EIF3E: variants seen among roughly 807,000 people sequenced by gnomAD.
EIF3E encodes eukaryotic translation initiation factor 3 subunit E.
In EIF3E, 25 loss-of-function variants were observed where a neutral mutation model predicts 59.3. That is an observed-to-expected ratio of 0.42 (90% CI 0.31 to 0.59). The LOEUF (loss-of-function observed/expected upper bound fraction) is 0.59, where lower values mean the gene tolerates loss of function less well. Ranked by LOEUF, EIF3E falls within the 20% of genes least tolerant of loss-of-function variation. EIF3E has a pLI of 0.15. For synonymous variants in EIF3E, 176 were observed against 170.2 expected, an observed-to-expected ratio of 1.03 and a Z score of -0.26; for missense variants, 317 against 534.3, an observed-to-expected ratio of 0.59 and a Z score of 4.01.
intron 12 of EIF3E, 115 bp downstream of exon 12, chr8:108,202,868 T>C: frequency 8.2e-7 from 1 of 1,225,162 alleles, no homozygotes. Flanking sequence ...AAAATGTTCA[T>C]ATCTTTAAAG....
At chr8:108,223,680 C>A (rs556994747) in intron 7 of EIF3E, among the ~76,000 whole-genome samples, 24 of 152,122 alleles carry the variant, frequency 1.6e-4, no homozygotes, top group Non-Finnish European at 3.1e-4. Flanking sequence ...AGTGGCAAAG[C>A]CTCATCTCCG....
chr8:108,229,184 T>A lies in EIF3E; in HGVS notation c.483A>T (p.Thr161=), dbSNP rs759017223. The part of the protein sequence containing the change: ...LYFFRVLVPA[T]DRNALSSLWG... ...AGAGTGAACTTAAAGCATTTCTATC[T>A]GTTGCTGGAACCTGTTTAAGAAATC... The change falls in exon 6 of 13, where the codon ACA becomes ACT. Residue 161 remains threonine (T), a synonymous_variant. Transcript: ENST00000220849. 3.1e-6 allele frequency: 5 copies of A among 1,612,536 alleles called. No individual in the cohort carries two copies. In the Middle Eastern group the frequency reaches 5.0e-4, roughly 160 times the overall value.
intron 5 of EIF3E, among the ~76,000 whole-genome samples, chr8:108,232,460 A>G (rs952364738): frequency 6.6e-6 from 1 of 152,182 alleles, no homozygotes; most frequent in Non-Finnish European, 1.5e-5. Context: ...GGGCAATGCA[A>G]AAGTTTAAAA....
chr8:108,214,010 C>T (rs1016363999), intron 10 of EIF3E, among the ~76,000 whole-genome samples: 2 of 152,198 alleles, frequency 1.3e-5, no homozygotes, highest in Non-Finnish European at 1.5e-5. Context: ...GGGCACTAGT[C>T]ATTTTTCAAA....
chr8:108,204,744 T>G (rs568821955), intron 10 of EIF3E, among the ~76,000 whole-genome samples: 76 of 102,676 alleles, frequency 7.4e-4, no homozygotes, highest in South Asian at 5.5e-3. Flanking sequence ...TATATATATA[T>G]ATAGAGAGAG....
intron 5 of EIF3E, among the ~76,000 whole-genome samples, chr8:108,230,125 A>C (rs1815594460): frequency 6.6e-6 from 1 of 152,228 alleles, no homozygotes; most frequent in South Asian, 2.1e-4. Context: ...CTACACCTCA[A>C]GATGAAATTT....
chr8:108,216,653 T>C, intron 8 of EIF3E, 140 bp from the exon 9 acceptor site: 8 of 652,454 alleles, frequency 1.2e-5, no homozygotes, highest in South Asian at 9.4e-5. Context: ...CCCAAAACAA[T>C]TGTTCCTATC....
chr8:108,215,320 T>C (rs993258378), intron 9 of EIF3E, among the ~76,000 whole-genome samples: 3 of 152,070 alleles, frequency 2.0e-5, no homozygotes, highest in African/African-American at 4.8e-5. Flanking sequence ...CATCTAATGT[T>C]TGAAAATCAT....
intron 5 of EIF3E, chr8:108,233,313 G>C (rs1324011870): frequency 1.3e-5 from 2 of 152,120 alleles, no homozygotes; most frequent in Non-Finnish European, 2.9e-5. Flanking sequence ...TTTAAGTGTA[G>C]AAATTACCTG....
intron 7 of EIF3E, chr8:108,226,289 A>C (rs1371976824): frequency 1.3e-5 from 2 of 150,990 alleles, no homozygotes; most frequent in Non-Finnish European, 2.9e-5. Context: ...CACCTCCCAA[A>C]CTCAAGCAAT....
At chr8:108,237,268 T>G (rs1815751318) in intron 3 of EIF3E, among the ~76,000 whole-genome samples, 1 of 152,216 alleles carries the variant, frequency 6.6e-6, no homozygotes, top group Non-Finnish European at 1.5e-5. Flanking sequence ...TTACTGTTTT[T>G]TGAGACGGAG....
intron 10 of EIF3E, among the ~76,000 whole-genome samples, chr8:108,206,967 C>A (rs902376624): frequency 1.3e-5 from 2 of 152,164 alleles, no homozygotes; most frequent in African/African-American, 4.8e-5. Context: ...CCATATCTTA[C>A]TTTGTGGATC....
intron 10 of EIF3E, among the ~76,000 whole-genome samples, chr8:108,206,653 C>T (rs1008096431): frequency 2.0e-5 from 3 of 150,740 alleles, no homozygotes; most frequent in Non-Finnish European, 2.9e-5. Flanking sequence ...CACATACACA[C>T]GCACGCACGT....
intron 1 of EIF3E, among the ~76,000 whole-genome samples, chr8:108,247,717 C>A (rs1007188870): frequency 6.6e-6 from 1 of 152,060 alleles, no homozygotes; most frequent in Non-Finnish European, 1.5e-5. Flanking sequence ...CTTCCAGAAA[C>A]AGAACTCACT....
intron 5 of EIF3E, among the ~76,000 whole-genome samples, chr8:108,231,266 A>AT (rs1815616505): frequency 6.6e-6 from 1 of 152,162 alleles, no homozygotes; most frequent in African/African-American, 2.4e-5. Context: ...AACATACATT[A>AT]TTATTTTATG....
intron 9 of EIF3E, among the ~76,000 whole-genome samples, chr8:108,215,430 A>C (rs1467032645): frequency 6.6e-6 from 1 of 152,050 alleles, no homozygotes; most frequent in African/African-American, 2.4e-5. Flanking sequence ...CATCCTGGCT[A>C]ACATGGTGAA....
chr8:108,217,300 T>TAA (rs11358208), intron 8 of EIF3E, 34 bp downstream of exon 8: 4 of 1,343,606 alleles, frequency 3.0e-6, no homozygotes, highest in East Asian at 2.7e-5. Context: ...CTTAGGTATT[T>TAA]AAAAAAAAAA....
At chr8:108,247,923 A>G (rs1314415200) in intron 1 of EIF3E, among the ~76,000 whole-genome samples, 1 of 151,376 alleles carries the variant, frequency 6.6e-6, no homozygotes, top group African/African-American at 2.4e-5. Flanking sequence ...TATTCATGAT[A>G]TCTTGAGTAG....
intron 12 of EIF3E, among the ~76,000 whole-genome samples, chr8:108,202,637 T>C (rs575323986): frequency 1.4e-4 from 21 of 152,136 alleles, no homozygotes; most frequent in Middle Eastern, 3.4e-3. Flanking sequence ...GAATACACAT[T>C]TCGAACACTT....
Sources: gnomAD v4.1 joint callset for allele counts (sites outside exome capture counted in the v4.1 genomes callset) on GRCh38, gnomAD v4.1.1 for gene constraint, MANE v1.5 for transcripts, NCBI Gene and HGNC (gene_info 2026-07-23, HGNC 2026-07-21) for gene names.